PXDN: variants seen among roughly 807,000 people sequenced by gnomAD.
The protein encoded by PXDN is peroxidasin homolog.
A neutral mutation model predicts 140.3 loss-of-function variants in PXDN; 77 were observed. That is an observed-to-expected ratio of 0.55 (90% confidence interval 0.46 to 0.66). The LOEUF is 0.66. PXDN is among the 30% of genes least tolerant of loss of function. The pLI, the probability that PXDN is intolerant of heterozygous loss-of-function variation, is 0.00. For missense variants in PXDN, 1,838 were observed against 2,039.5 expected (o/e 0.90, Z 1.90); for synonymous variants, 911 against 857.4 (o/e 1.06, Z -1.09).
chr2:1,701,803 G>A (rs564926634), intron 1 of PXDN, among the ~76,000 whole-genome samples: 14 of 152,300 alleles, frequency 9.2e-5, no homozygotes, highest in African/African-American at 3.4e-4. Context: ...TATGGCGGTG[G>A]TGCCCCCAGG....
chr2:1,710,745 C>T (rs1684743106), intron 1 of PXDN, among the ~76,000 whole-genome samples: 2 of 102,464 alleles, frequency 2.0e-5, no homozygotes, highest in Non-Finnish European at 4.2e-5. Flanking sequence ...CACCAGCACC[C>T]ACTCCACCAG....
chr2:1,639,065 G>A lies in PXDN; in HGVS notation c.4074-87C>T, dbSNP rs1478826701. The A allele has an allele frequency of 1.7e-5, 4 of 237,124 alleles. No individual in the cohort carries two copies. Among genetic ancestry groups the A allele is most frequent in the African/African-American group, 5.7e-5 (1 of 17,554 alleles). 14.7% of individuals were successfully genotyped at this position (237,124 alleles called of 1,614,324 possible). A position where few individuals can be genotyped will look rare whatever the true frequency, so the allele number is the denominator to read the frequency against. The stretch of plus-strand genomic sequence containing the variant: ...TTTCAAGGTTTCCTGGGTGTGCACC[G>A]CCCCTGATGCTCTGAGCTGGGTCTC... On this transcript the variant is annotated intron_variant, in intron 20 of 22. Transcript: ENST00000252804. The surrounding 1 kb of genome is among the most constrained non-coding windows in gnomAD (Gnocchi z 5.0).
chr2:1,700,209 A>C (rs530595677), intron 1 of PXDN, among the ~76,000 whole-genome samples: 2,999 of 152,108 alleles, frequency 0.02, 47 homozygotes, highest in Admixed American at 0.044. Flanking sequence ...TTACAGGCGC[A>C]TGCCACTGCG....
chr2:1,698,867 T>C (rs1388308649), intron 1 of PXDN, among the ~76,000 whole-genome samples: 2 of 152,216 alleles, frequency 1.3e-5, no homozygotes, highest in East Asian at 1.9e-4. Flanking sequence ...TTTTTCAATT[T>C]ACAGTCTCAA....
rs376751779 is a variant in PXDN at position 1,706,899 on chromosome 2, C to T, written c.201-13765G>A. On this transcript the variant is annotated intron_variant, in intron 1 of 22. Transcript: ENST00000252804. ...CACCTGCCCCACTAATAATACAATC[C>T]GAGAGCACGCTTCACTGTTCACCAA... 4.1e-4 allele frequency among the ~76,000 whole-genome samples: 32 copies of T among 77,322 alleles called. No homozygotes were observed. The East Asian group carries it at 6.8e-3, about 17-fold the overall frequency. 50.7% of individuals were successfully genotyped at this position (77,322 alleles called of 152,430 possible). A position where few individuals can be genotyped will look rare whatever the true frequency, so the allele number is the denominator to read the frequency against.
intron 7 of PXDN, 61 bp downstream of exon 7, chr2:1,680,132 G>A (rs1473042273): frequency 2.7e-6 from 4 of 1,470,308 alleles, no homozygotes; most frequent in Non-Finnish European, 3.7e-6. Flanking sequence ...GTGTGTGTGT[G>A]GATGGTGTGT....
chr2:1,659,385 T>C (rs1051915634), intron 14 of PXDN, among the ~76,000 whole-genome samples: 2 of 152,250 alleles, frequency 1.3e-5, no homozygotes, highest in African/African-American at 4.8e-5. Context: ...AATATTTTTA[T>C]GCCAATAGGT....
intron 19 of PXDN, among the ~76,000 whole-genome samples, chr2:1,640,542 A>G (rs139596549): frequency 1.3e-5 from 2 of 152,322 alleles, no homozygotes; most frequent in Non-Finnish European, 2.9e-5. Flanking sequence ...GCCCACAAAC[A>G]GTCCCACTGA....
chr2:1,742,335 G>T (rs1685565216), intron 1 of PXDN, among the ~76,000 whole-genome samples: 1 of 152,218 alleles, frequency 6.6e-6, no homozygotes. Flanking sequence ...ACATTTCGAA[G>T]TATCACTGAA....
intron 1 of PXDN, among the ~76,000 whole-genome samples, chr2:1,693,656 C>T (rs1449821457): frequency 6.6e-6 from 1 of 152,206 alleles, no homozygotes; most frequent in East Asian, 1.9e-4. Context: ...GGAAAATAGG[C>T]TTTCTCACAT....
chr2:1,713,415 G>A (rs1168195488), intron 1 of PXDN, among the ~76,000 whole-genome samples: 2 of 152,174 alleles, frequency 1.3e-5, no homozygotes, highest in Admixed American at 6.5e-5. Flanking sequence ...GGAAATCTGC[G>A]GCTCAGAGGT....
At chr2:1,658,273 C>T (rs930048620) in intron 14 of PXDN, among the ~76,000 whole-genome samples, 17 of 152,002 alleles carry the variant, frequency 1.1e-4, no homozygotes, top group African/African-American at 4.1e-4. Context: ...CCTGACCTCT[C>T]CCTGCAGCTC....
Position 1,648,095 on chromosome 2 carries a change from A to T in PXDN, c.3608+77T>A. 1 of 1,522,276 alleles carries T rather than the reference A, an allele frequency of 6.6e-7. No homozygotes were observed. The highest frequency in any genetic ancestry group is 8.9e-7 in the Non-Finnish European group (1 of 1,120,874). The allele number at this position is 1,522,276 out of a possible 1,614,324, so 94.3% of individuals were successfully genotyped here. On this transcript the variant is annotated intron_variant, in intron 17 of 22. Coordinates refer to ENST00000252804, the MANE Select transcript of PXDN (RefSeq NM_012293.3). This position sits in a 1 kb window ranked among gnomAD's most constrained non-coding sequence, Gnocchi z 8.9. ...CGAACAAAACTCACACACAGAGACA[A>T]ATAACACACACACCACAGTTCAGGT...
intron 6 of PXDN, among the ~76,000 whole-genome samples, chr2:1,683,404 A>G (rs1415905492): frequency 1.3e-5 from 1 of 75,530 alleles, no homozygotes; most frequent in African/African-American, 4.0e-5. Flanking sequence ...CAACAGAGCA[A>G]GACCCTATCT....
At position 1,643,658 on chromosome 2, in the gene PXDN, G is replaced by A. The variant is rs1055952107; in HGVS notation, c.3744-82C>T. ...TAGGAGCTGAGTTAAAATCTCCCCT[G>A]CTTAGTTCACAGCAATACAGAAACC... On this transcript the variant is annotated intron_variant, in intron 18 of 22. Transcript: ENST00000252804. 68 of 1,462,718 alleles carry A rather than the reference G, an allele frequency of 4.6e-5. No individual in the cohort carries two copies. The African/African-American group carries it at 8.5e-4, about 18-fold the overall frequency. The allele number at this position is 1,462,718 out of a possible 1,614,324, so 90.6% of individuals were successfully genotyped here.
At chr2:1,710,897 C>T (rs1471991542) in intron 1 of PXDN, among the ~76,000 whole-genome samples, 18 of 129,044 alleles carry the variant, frequency 1.4e-4, no homozygotes, top group Non-Finnish European at 2.4e-4. Context: ...GCTCCACCAG[C>T]ACCCACTCTC....
intron 6 of PXDN, among the ~76,000 whole-genome samples, chr2:1,681,947 C>T (rs940144489): frequency 6.6e-6 from 1 of 152,188 alleles, no homozygotes; most frequent in Non-Finnish European, 1.5e-5. Flanking sequence ...GGGCAGCTGG[C>T]GTGGCCTCCT....
chr2:1,643,495 G>A lies in PXDN; in HGVS notation c.3825C>T (p.Cys1275=), dbSNP rs1327643659. The A allele has an allele frequency of 6.8e-6, 11 of 1,613,848 alleles. No individual in the cohort carries two copies. The highest frequency in any genetic ancestry group is 3.3e-5 in the Admixed American group (2 of 59,990). The change falls in exon 19 of 23, where the codon TGC becomes TGT. Residue 1275 remains cysteine, a synonymous_variant. Transcript: ENST00000252804. ...IKQTSLARIL[C]DNADNITRVQ... Reference sequence around the variant, plus strand: ...CCCGGGTGATGTTGTCCGCGTTGTCGCATAGGATCCTGGCCAGCGACGTCT... The same window carrying A: ...CCCGGGTGATGTTGTCCGCGTTGTCACATAGGATCCTGGCCAGCGACGTCT...
chr2:1,727,339 T>G (rs1046135808), intron 1 of PXDN, among the ~76,000 whole-genome samples: 18 of 152,234 alleles, frequency 1.2e-4, no homozygotes, highest in Non-Finnish European at 2.1e-4. Context: ...CGCACTTAAA[T>G]GTGCAGGATT....
Sources: allele counts gnomAD v4.1 joint callset (sites outside exome capture counted in the v4.1 genomes callset), GRCh38; gene constraint gnomAD v4.1.1; non-coding constraint Gnocchi (gnomAD v3.1); transcripts MANE v1.5; gene names NCBI Gene and HGNC (gene_info 2026-07-23, HGNC 2026-07-21).